Variants in PIP5K1B observed in about 807,000 individuals in gnomAD.
The protein encoded by PIP5K1B is phosphatidylinositol 4-phosphate 5-kinase type-1 beta.
PIP5K1B carries 42 observed loss-of-function variants against 67.0 expected under a neutral mutation model. The ratio of observed to expected loss-of-function variants is 0.63; its 90% CI spans 0.49 to 0.81. The LOEUF is 0.81. Ranked by LOEUF, PIP5K1B falls within the 30% of genes least tolerant of loss-of-function variation. PIP5K1B has a pLI of 0.00. For missense variants in PIP5K1B, 459 were observed against 646.3 expected (o/e 0.71, Z 3.14); for synonymous variants, 214 against 231.4 (o/e 0.92, Z 0.68).
At chr9:68,843,855 G>A (rs1027336332) in intron 4 of PIP5K1B, among the ~76,000 whole-genome samples, 2 of 152,118 alleles carry the variant, frequency 1.3e-5, no homozygotes, top group South Asian at 2.1e-4. Flanking sequence ...TCTGATATTC[G>A]TACTGGGAGA....
intron 14 of PIP5K1B, among the ~76,000 whole-genome samples, chr9:68,950,524 A>G (rs1266897514): frequency 6.6e-6 from 1 of 152,136 alleles, no homozygotes; most frequent in African/African-American, 2.4e-5. Flanking sequence ...CCTTTGGCCC[A>G]ACCACTGTAT....
In PIP5K1B at chr9:68,885,847, A is replaced by T. The variant is rs550964436; in HGVS notation, c.319-3134A>T. On this transcript the variant is annotated intron_variant, in intron 6 of 15. Coordinates refer to ENST00000265382, the MANE Select transcript of PIP5K1B (RefSeq NM_003558.4). ...CTAAAGCTATTGAAATAAAAAAACT[A>T]AAATTAAACAAATCATTATTTGTCG... 3.9e-5 allele frequency among the ~76,000 whole-genome samples: 6 copies of T among 152,362 alleles called. 1 individual carries two copies. In the South Asian group the frequency reaches 1.0e-3, roughly 26 times the overall value.
intron 2 of PIP5K1B, chr9:68,789,496 C>A: frequency 1.9e-6 from 1 of 521,372 alleles, no homozygotes. Flanking sequence ...TGGTGGTAAA[C>A]ACTTAAGAGA....
chr9:68,726,977 G>A (rs1828179835), intron 1 of PIP5K1B, among the ~76,000 whole-genome samples: 1 of 151,192 alleles, frequency 6.6e-6, no homozygotes, highest in African/African-American at 2.4e-5. Context: ...TTCTAGTAAA[G>A]TTGTTGTTTT....
intron 2 of PIP5K1B, among the ~76,000 whole-genome samples, chr9:68,809,079 C>CT (rs749012158): frequency 1.2e-4 from 18 of 152,146 alleles, no homozygotes; most frequent in Non-Finnish European, 2.5e-4. Flanking sequence ...TTCTGCATTT[C>CT]TTTGAGAGTT....
At chr9:68,975,234 A>T (rs1334647165) in intron 14 of PIP5K1B, among the ~76,000 whole-genome samples, 3 of 151,968 alleles carry the variant, frequency 2.0e-5, no homozygotes, top group Non-Finnish European at 4.4e-5. Context: ...ATGCCCAGCT[A>T]ATGTTTATAT....
At chr9:68,958,453 A>G (rs1049554938) in intron 14 of PIP5K1B, among the ~76,000 whole-genome samples, 12 of 152,206 alleles carry the variant, frequency 7.9e-5, no homozygotes, top group African/African-American at 2.9e-4. Flanking sequence ...CCCTCAAACT[A>G]AAAGCCTGTT....
At chr9:68,766,099 G>T (rs1272978476) in intron 2 of PIP5K1B, among the ~76,000 whole-genome samples, 1 of 152,096 alleles carries the variant, frequency 6.6e-6, no homozygotes, top group Admixed American at 6.5e-5. Context: ...ATGATATTGT[G>T]TAGGAAAAGA....
intron 8 of PIP5K1B, among the ~76,000 whole-genome samples, chr9:68,910,782 A>G (rs1357636578): frequency 6.6e-6 from 1 of 152,230 alleles, no homozygotes; most frequent in Non-Finnish European, 1.5e-5. Flanking sequence ...TTGAAAAAAC[A>G]GTAGGATTTG....
At chr9:68,784,312 CATTT>C (rs57463596) in intron 2 of PIP5K1B, 52,471 of 166,724 alleles carry the variant, frequency 0.31, 8,397 homozygotes, top group East Asian at 0.38. Context: ...TCAATAGCAA[CATTT>C]ATTTAAAGTA....
chr9:68,934,582 A>G (rs1428882952), intron 12 of PIP5K1B, among the ~76,000 whole-genome samples: 3 of 148,202 alleles, frequency 2.0e-5, no homozygotes, highest in Non-Finnish European at 3.0e-5. Context: ...TTCTTTAGCA[A>G]TAAAACATTT....
At chr9:68,992,082 C>T (rs1430917200) in intron 15 of PIP5K1B, among the ~76,000 whole-genome samples, 5 of 152,134 alleles carry the variant, frequency 3.3e-5, no homozygotes, top group Non-Finnish European at 7.4e-5. Flanking sequence ...TCTCCTGCCT[C>T]AGCCTCCCTA....
At chr9:68,995,300 G>T (rs914193786) in intron 15 of PIP5K1B, among the ~76,000 whole-genome samples, 2 of 152,140 alleles carry the variant, frequency 1.3e-5, no homozygotes, top group Non-Finnish European at 2.9e-5. Context: ...AAATTTTGCT[G>T]TTTAATCACC....
intron 5 of PIP5K1B, among the ~76,000 whole-genome samples, chr9:68,869,360 T>C (rs1823515101): frequency 6.6e-6 from 1 of 152,204 alleles, no homozygotes; most frequent in African/African-American, 2.4e-5. Flanking sequence ...TAATGCCCGA[T>C]GATCTGAGAT....
intron 5 of PIP5K1B, among the ~76,000 whole-genome samples, chr9:68,872,571 TG>T (rs1309120503): frequency 6.6e-6 from 1 of 152,272 alleles, no homozygotes; most frequent in Admixed American, 6.5e-5. Context: ...AGGCTTGTCC[TG>T]TTCTTAAAAG....
intron 8 of PIP5K1B, among the ~76,000 whole-genome samples, chr9:68,916,468 C>G (rs1826097195): frequency 6.6e-6 from 1 of 152,114 alleles, no homozygotes; most frequent in East Asian, 1.9e-4. Flanking sequence ...TTTTTAATTC[C>G]CTTGCCTCCC....
chr9:68,749,073 A>G (rs1274874961), intron 2 of PIP5K1B, among the ~76,000 whole-genome samples: 1 of 152,210 alleles, frequency 6.6e-6, no homozygotes, highest in African/African-American at 2.4e-5. Flanking sequence ...TAAAATGAGA[A>G]TAATAATATC....
At chr9:68,830,094 G>C (rs1482750648) in intron 4 of PIP5K1B, among the ~76,000 whole-genome samples, 1 of 151,970 alleles carries the variant, frequency 6.6e-6, no homozygotes, top group Non-Finnish European at 1.5e-5. Context: ...GGGTGCCGCT[G>C]TGCTGAAGCC....
chr9:68,783,609 A>G (rs1027417323), intron 2 of PIP5K1B: 1 of 166,964 alleles, frequency 6.0e-6, no homozygotes, highest in Non-Finnish European at 1.5e-5. Flanking sequence ...CCAACATGTC[A>G]TTGACACCTC....
Sources: gnomAD v4.1 joint callset for allele counts (sites outside exome capture counted in the v4.1 genomes callset) on GRCh38, gnomAD v4.1.1 for gene constraint, MANE v1.5 for transcripts, NCBI Gene and HGNC (gene_info 2026-07-23, HGNC 2026-07-21) for gene names.